Variants in CNTN4 observed in about 807,000 individuals in gnomAD.
CNTN4 encodes the protein contactin 4.
In CNTN4, 77 loss-of-function variants were observed where a neutral mutation model predicts 122.5. That is an observed-to-expected ratio of 0.63 (90% confidence interval 0.52 to 0.76). CNTN4 has a LOEUF of 0.76. Ranked by LOEUF, CNTN4 falls within the 30% of genes least tolerant of loss-of-function variation. CNTN4 has a pLI of 0.00. For synonymous variants in CNTN4, 512 were observed against 447.0 expected, an observed-to-expected ratio of 1.15 and a Z score of -1.83; for missense variants, 1,256 against 1,259.1, an observed-to-expected ratio of 1.00 and a Z score of 0.04.
intron 7 of CNTN4, among the ~76,000 whole-genome samples, chr3:2,828,603 C>T (rs967544861): frequency 6.6e-6 from 1 of 152,114 alleles, no homozygotes; most frequent in Non-Finnish European, 1.5e-5. Context: ...CATTTCCCAA[C>T]AGAGGAACTT....
intron 22 of CNTN4, 150 bp from the exon 23 acceptor site, chr3:3,043,442 A>G: frequency 2.7e-6 from 2 of 734,168 alleles, no homozygotes; most frequent in Admixed American, 2.1e-5. Context: ...GCAATGCTGT[A>G]TCTCATCAGA....
At chr3:2,754,928 T>G (rs549204967) in intron 6 of CNTN4, among the ~76,000 whole-genome samples, 1 of 152,156 alleles carries the variant, frequency 6.6e-6, no homozygotes, top group African/African-American at 2.4e-5. Context: ...ATCTTTCTTA[T>G]GACTACTACA....
At chr3:2,840,612 T>C (rs1187275276) in intron 7 of CNTN4, among the ~76,000 whole-genome samples, 3 of 119,908 alleles carry the variant, frequency 2.5e-5, no homozygotes, top group Non-Finnish European at 5.5e-5. Flanking sequence ...GGCGGGAGAA[T>C]GGCGGGAACC....
chr3:2,654,386 C>G (rs1046295870), intron 4 of CNTN4, among the ~76,000 whole-genome samples: 2 of 152,130 alleles, frequency 1.3e-5, no homozygotes, highest in African/African-American at 4.8e-5. Context: ...GTGCTACTTT[C>G]AAAATTATAC....
chr3:2,518,518 A>G (rs1217851128), intron 3 of CNTN4, among the ~76,000 whole-genome samples: 2 of 152,144 alleles, frequency 1.3e-5, no homozygotes, highest in Non-Finnish European at 2.9e-5. Flanking sequence ...TTCTTCTAAT[A>G]TATCTGTTTT....
chr3:2,358,096 C>A (rs2044949737), intron 3 of CNTN4, among the ~76,000 whole-genome samples: 1 of 152,096 alleles, frequency 6.6e-6, no homozygotes. Flanking sequence ...TCAACTGCAG[C>A]AAAATCATTT....
chr3:2,172,095 A>G (rs140620663), intron 2 of CNTN4, among the ~76,000 whole-genome samples: 250 of 152,326 alleles, frequency 1.6e-3, no homozygotes, highest in South Asian at 3.7e-3. Flanking sequence ...GTCAAGTTTT[A>G]TTGTAAGTTG....
chr3:2,242,535 C>T (rs776667970), intron 2 of CNTN4, among the ~76,000 whole-genome samples: 1 of 152,060 alleles, frequency 6.6e-6, no homozygotes, highest in Admixed American at 6.6e-5. Flanking sequence ...AACATCAGTT[C>T]TCCAGTGAGT....
intron 3 of CNTN4, among the ~76,000 whole-genome samples, chr3:2,502,143 C>T (rs1284801794): frequency 2.6e-5 from 4 of 152,082 alleles, no homozygotes; most frequent in Non-Finnish European, 5.9e-5. Flanking sequence ...AACAGATACT[C>T]AATGTATAAT....
chr3:2,125,562 CTT>C (rs201659840), intron 2 of CNTN4, among the ~76,000 whole-genome samples: 75 of 123,990 alleles, frequency 6.0e-4, no homozygotes, highest in Middle Eastern at 4.0e-3. Context: ...TTTTCTTTTT[CTT>C]TTTTTTTTTT....
At chr3:2,805,583 C>T (rs1042084513) in intron 6 of CNTN4, among the ~76,000 whole-genome samples, 7 of 152,304 alleles carry the variant, frequency 4.6e-5, no homozygotes, top group Non-Finnish European at 1.0e-4. Flanking sequence ...TGCCAAAGCT[C>T]TCATGAGAAT....
At chr3:2,723,086 C>T (rs1459771073) in intron 4 of CNTN4, among the ~76,000 whole-genome samples, 2 of 152,186 alleles carry the variant, frequency 1.3e-5, no homozygotes, top group Non-Finnish European at 2.9e-5. Context: ...ATGATTCCAT[C>T]ATTCTTTCCC....
intron 4 of CNTN4, among the ~76,000 whole-genome samples, chr3:2,729,037 C>T (rs1480869722): frequency 2.0e-5 from 3 of 152,212 alleles, no homozygotes; most frequent in Non-Finnish European, 4.4e-5. Context: ...AGACTTGAAC[C>T]TGGAATTTGT....
At chr3:2,638,279 T>A (rs774093373) in intron 4 of CNTN4, among the ~76,000 whole-genome samples, 1 of 152,202 alleles carries the variant, frequency 6.6e-6, no homozygotes, top group African/African-American at 2.4e-5. Context: ...TTTCTCTGTT[T>A]CCAGCCTCAC....
chr3:2,189,338 G>A (rs753044776), intron 2 of CNTN4, among the ~76,000 whole-genome samples: 3 of 152,150 alleles, frequency 2.0e-5, no homozygotes, highest in Non-Finnish European at 4.4e-5. Context: ...AGGCTGACCT[G>A]GAAGTTGGGG....
chr3:2,127,683 G>T (rs1393510866), intron 2 of CNTN4, among the ~76,000 whole-genome samples: 1 of 152,076 alleles, frequency 6.6e-6, no homozygotes, highest in East Asian at 1.9e-4. Context: ...GGAAATATAT[G>T]CCAATTTCAA....
intron 3 of CNTN4, among the ~76,000 whole-genome samples, chr3:2,472,627 G>C (rs1379138313): frequency 6.6e-6 from 1 of 152,154 alleles, no homozygotes; most frequent in Non-Finnish European, 1.5e-5. Context: ...TAGAGAAAAA[G>C]TTGAAAAAGG....
At chr3:2,644,531 C>A (rs7632775) in intron 4 of CNTN4, among the ~76,000 whole-genome samples, 2,338 of 151,862 alleles carry the variant, frequency 0.015, 55 homozygotes, top group African/African-American at 0.054. Flanking sequence ...GCCTGTCTAT[C>A]CATCACTCAA....
At chr3:2,981,343 C>A (rs1175126188) in intron 13 of CNTN4, among the ~76,000 whole-genome samples, 4 of 151,706 alleles carry the variant, frequency 2.6e-5, no homozygotes, top group Admixed American at 1.3e-4. Flanking sequence ...ACTCGGGAGG[C>A]TGAGGCGGGA....
Sources: allele counts gnomAD v4.1 joint callset (sites outside exome capture counted in the v4.1 genomes callset), GRCh38; gene constraint gnomAD v4.1.1; transcripts MANE v1.5; gene names NCBI Gene and HGNC (gene_info 2026-07-23, HGNC 2026-07-21).